MYOM1: variants seen among roughly 807,000 people sequenced by gnomAD.
The protein encoded by MYOM1 is myomesin 1, also known as myomesin-1.
MYOM1 carries 164 observed loss-of-function variants against 205.3 expected under a neutral mutation model. The ratio of observed to expected loss-of-function variants is 0.80; its 90% CI spans 0.70 to 0.91. The LOEUF (loss-of-function observed/expected upper bound fraction) is 0.91. MYOM1 is among the 40% of genes least tolerant of loss of function. The pLI, the probability that MYOM1 is intolerant of heterozygous loss-of-function variation, is 0.00. For missense variants in MYOM1, 2,011 were observed against 2,127.3 expected, an observed-to-expected ratio of 0.95 and a Z score of 1.08; for synonymous variants, 772 against 789.4, an observed-to-expected ratio of 0.98 and a Z score of 0.37.
chr18:3,134,802 T>C lies in MYOM1; in HGVS notation c.2232A>G (p.Lys744=), dbSNP rs767871355. Residue 744 remains lysine, a synonymous_variant, in exon 16 of 38, where the codon AAA becomes AAG. Coordinates refer to ENST00000356443, the MANE Select transcript of MYOM1 (RefSeq NM_003803.4). ...TGTCTGTGTTTCTGCTTGGGATGAT[T>C]TTGCCAGGAGCCTTGGGGATATCTG... ...DKLDIPKAPG[K]IIPSRNTDTS... The C allele has an allele frequency of 2.9e-5, 47 of 1,613,826 alleles. 2 individuals are homozygous for C. In the South Asian group the frequency reaches 4.5e-4, roughly 15 times the overall value.
At chr18:3,094,423 C>G (rs2079272300) in intron 25 of MYOM1, 117 bp from the exon 26 acceptor site, 1 of 1,074,392 alleles carries the variant, frequency 9.3e-7, no homozygotes, top group African/African-American at 1.6e-5. Flanking sequence ...AATGTAGCAC[C>G]TGCTTCTTGC....
rs780023914 is a variant in MYOM1, at chr18:3,131,491, G to C, written c.2390C>G (p.Thr797Ser). The C allele has an allele frequency of 2.4e-5, 38 of 1,609,852 alleles. No individual in the cohort carries two copies. Among genetic ancestry groups the C allele is most frequent in the Non-Finnish European group, 3.1e-5 (36 of 1,178,760 alleles). ...NNNPVKGSRFTCHGLVTGQSY... is the reference protein window; with the variant it reads ...NNNPVKGSRFSCHGLVTGQSY... ...CTGACCAGTCACTAATCCATGACAA[G>C]TGAATCTAAAAGGAAAACAAGTTTT... Residue 797 changes from threonine (T) to serine (S), a missense_variant, in exon 17 of 38, where the codon ACT (threonine) becomes AGT (serine). Coordinates refer to ENST00000356443, the MANE Select transcript of MYOM1 (RefSeq NM_003803.4).
intron 30 of MYOM1, 96 bp from the exon 31 acceptor site, chr18:3,085,228 GCTTTTTTTTTTTT>G (rs2079137492): frequency 6.6e-6 from 1 of 152,310 alleles, no homozygotes; most frequent in South Asian, 8.1e-5. Context: ...TGCTGCTGCT[GCTTTTTTTTTTTT>G]TTTTTTTTTT....
intron 18 of MYOM1, among the ~76,000 whole-genome samples, chr18:3,127,305 A>ATATATATATATATATAT (rs56880961): frequency 1.5e-4 from 7 of 47,572 alleles, no homozygotes; most frequent in African/African-American, 2.8e-4. Context: ...ATATATATAT[A>ATATATATATATATATAT]TTTTTTTTTT....
rs752001601 is a variant in MYOM1, at chr18:3,135,755, T to G, written c.2026-25A>C. On this transcript the variant is annotated intron_variant, in intron 14 of 37. Coordinates refer to ENST00000356443, the MANE Select transcript of MYOM1 (RefSeq NM_003803.4). The surrounding 1 kb of genome is among the most constrained non-coding windows in gnomAD (Gnocchi z 4.1). ...ACTGCAGCAAGAACAGGGAAACCCA[T>G]TGAAAGCACAGCAAACACAAGCGAG... is the stretch of plus-strand genomic sequence containing the variant. 1.9e-6 allele frequency: 3 copies of G among 1,612,480 alleles called. No individual in the cohort carries two copies. The highest frequency in any genetic ancestry group is 2.5e-6 in the Non-Finnish European group (3 of 1,179,052).
intron 22 of MYOM1, among the ~76,000 whole-genome samples, chr18:3,107,982 A>C (rs1567908925): frequency 6.6e-6 from 1 of 152,202 alleles, no homozygotes; most frequent in Non-Finnish European, 1.5e-5. Context: ...AGTTGCTCCT[A>C]TAGATAACAT....
At chr18:3,147,117 T>TATATATATATATTATAG (rs2080137694) in intron 13 of MYOM1, among the ~76,000 whole-genome samples, 1 of 140,078 alleles carries the variant, frequency 7.1e-6, no homozygotes, top group Non-Finnish European at 1.6e-5. Flanking sequence ...TATATTTATA[T>TATATATATATATTATAG]ATAAATATTA....
At chr18:3,101,989 ATTTTTTTTTTTTTTT>A (rs35882298) in intron 23 of MYOM1, among the ~76,000 whole-genome samples, 13 of 55,830 alleles carry the variant, frequency 2.3e-4, no homozygotes, top group Non-Finnish European at 3.4e-4. Context: ...TCAGTCTGGG[ATTTTTTTTTTTTTTT>A]TTTTTTTTTT....
intron 31 of MYOM1, 81 bp downstream of exon 31, chr18:3,084,964 C>T (rs1234879044): frequency 1.4e-5 from 15 of 1,053,938 alleles, no homozygotes; most frequent in Non-Finnish European, 2.0e-5. Flanking sequence ...TGATTTCAAT[C>T]GTCAGCTCGG....
At chr18:3,167,282 T>C (rs2034994318) in intron 9 of MYOM1, among the ~76,000 whole-genome samples, 1 of 152,242 alleles carries the variant, frequency 6.6e-6, no homozygotes, top group Non-Finnish European at 1.5e-5. Flanking sequence ...TCCCTTATTC[T>C]CTTCAGACAG....
intron 2 of MYOM1, among the ~76,000 whole-genome samples, chr18:3,199,987 A>G (rs1387331146): frequency 6.6e-6 from 1 of 152,186 alleles, no homozygotes; most frequent in African/African-American, 2.4e-5. Context: ...TGTGATTCCT[A>G]GGAATTCCGG....
chr18:3,068,405 T>A (rs1372952715), intron 37 of MYOM1, among the ~76,000 whole-genome samples: 4 of 152,120 alleles, frequency 2.6e-5, no homozygotes, highest in African/African-American at 4.8e-5. Context: ...ACCGACCTTA[T>A]TTAGATTTCT....
At chr18:3,227,733 C>T in the MYOM1 span, among the ~76,000 whole-genome samples, 1 of 152,030 alleles carries the variant, frequency 6.6e-6, no homozygotes, top group Admixed American at 6.6e-5. Context: ...GCAGGAGAAT[C>T]GCTTGAACCC....
chr18:3,165,632 T>C (rs113665376), intron 9 of MYOM1, among the ~76,000 whole-genome samples: 125 of 152,148 alleles, frequency 8.2e-4, no homozygotes, highest in African/African-American at 2.6e-3. Context: ...TTTTATAATA[T>C]TTTAGTGACA....
intron 36 of MYOM1, among the ~76,000 whole-genome samples, chr18:3,073,595 C>T (rs989193398): frequency 2.0e-5 from 3 of 152,246 alleles, no homozygotes; most frequent in African/African-American, 7.2e-5. Flanking sequence ...GTGTTGGCCT[C>T]AGTCTCCTAA....
the MYOM1 span, among the ~76,000 whole-genome samples, chr18:3,233,473 C>T: frequency 6.6e-6 from 1 of 152,146 alleles, no homozygotes; most frequent in Non-Finnish European, 1.5e-5. Context: ...TGCTCTTTTT[C>T]CTCAAGCAAA....
the MYOM1 span, among the ~76,000 whole-genome samples, chr18:3,241,644 G>C: frequency 6.6e-6 from 1 of 152,216 alleles, no homozygotes; most frequent in Admixed American, 6.5e-5. Flanking sequence ...CTCCCTACTG[G>C]GGCCCCACTC....
At chr18:3,161,374 T>C (rs1261584415) in intron 10 of MYOM1, among the ~76,000 whole-genome samples, 2 of 152,216 alleles carry the variant, frequency 1.3e-5, no homozygotes, top group Non-Finnish European at 2.9e-5. Context: ...TTCCTTTTAG[T>C]ACTAGGACCC....
intron 14 of MYOM1, among the ~76,000 whole-genome samples, chr18:3,136,890 G>C (rs529240268): frequency 1.4e-4 from 21 of 152,148 alleles, no homozygotes; most frequent in African/African-American, 4.8e-4. Flanking sequence ...CTTTATGACA[G>C]AGCATAGAAT....
Sources: allele counts gnomAD v4.1 joint callset (sites outside exome capture counted in the v4.1 genomes callset), GRCh38; gene constraint gnomAD v4.1.1; non-coding constraint Gnocchi (gnomAD v3.1); transcripts MANE v1.5; gene names NCBI Gene and HGNC (gene_info 2026-07-23, HGNC 2026-07-21).